The following EPHA8 variants were observed in gnomAD, a reference collection of about 807,000 sequenced individuals.
The protein encoded by EPHA8 is ephrin type-A receptor 8.
Under a neutral mutation model 103.6 loss-of-function variants are expected in EPHA8, and 58 were observed. The observed-to-expected ratio is 0.56, with a 90% CI of 0.45 to 0.70. EPHA8 has a LOEUF of 0.70. EPHA8 is among the 30% of genes least tolerant of loss of function. The probability of loss-of-function intolerance (pLI) is 0.00; values close to 1 mark genes in which losing one functional copy is unlikely to be tolerated. For synonymous variants in EPHA8, 559 were observed against 572.5 expected, an observed-to-expected ratio of 0.98 and a Z score of 0.34; for missense variants, 1,304 against 1,395.2, an observed-to-expected ratio of 0.93 and a Z score of 1.04.
chr1:22,575,070 C>T (rs1044550714), intron 2 of EPHA8, among the ~76,000 whole-genome samples: 1 of 152,144 alleles, frequency 6.6e-6, no homozygotes, highest in Admixed American at 6.5e-5. Context: ...CCTGCTGCAG[C>T]CTCCCGAGTA....
Position 22,596,102 on chromosome 1 carries a change from G to C in EPHA8, c.1698-4G>C. 1.2e-6 allele frequency: 2 copies of C among 1,613,780 alleles called. No individual in the cohort carries two copies. Among genetic ancestry groups the C allele is most frequent in the Non-Finnish European group, 1.7e-6 (2 of 1,179,930 alleles). On this transcript the variant is annotated splice_region_variant and splice_polypyrimidine_tract_variant and intron_variant, in intron 8 of 16. Coordinates refer to ENST00000166244, the MANE Select transcript of EPHA8 (RefSeq NM_020526.5). ...CTCAGGCAGGGCGGTGCCCTCCTCT[G>C]CAGGCACTGTGGCTACAGCAAGGCC...
At position 22,588,966 on chromosome 1, in the gene EPHA8, G is replaced by A. The variant is rs1414232134; in HGVS notation, c.1075G>A (p.Asp359Asn). 1.9e-6 allele frequency: 3 copies of A among 1,613,410 alleles called. No individual in the cohort carries two copies. The highest frequency in any genetic ancestry group is 2.5e-6 in the Non-Finnish European group (3 of 1,179,958). ...APPLDPGGRSDITYNAVCRRC... is the reference protein window; with the variant it reads ...APPLDPGGRSNITYNAVCRRC... The stretch of plus-strand genomic sequence containing the variant: ...TCCCCTGGACCCAGGTGGCCGCAGT[G>A]ACATCACCTACAATGCCGTGTGCCG... The change falls in exon 5 of 17, where the codon GAC (aspartate) becomes AAC (asparagine). Residue 359 changes from aspartate (D) to asparagine (N), a missense_variant. Coordinates refer to ENST00000166244, the MANE Select transcript of EPHA8 (RefSeq NM_020526.5).
chr1:22,592,365 A>G (rs1641394730), intron 5 of EPHA8, among the ~76,000 whole-genome samples: 1 of 152,132 alleles, frequency 6.6e-6, no homozygotes, highest in Admixed American at 6.5e-5. Context: ...TTCACTTTAT[A>G]GAAGGGGACC....
intron 5 of EPHA8, among the ~76,000 whole-genome samples, chr1:22,590,232 T>G (rs1244380805): frequency 1.3e-5 from 2 of 152,156 alleles, no homozygotes; most frequent in Non-Finnish European, 2.9e-5. Context: ...CACCTGTCTC[T>G]AGGCACCTGA....
At chr1:22,565,374 C>CG (rs1271509761) in intron 1 of EPHA8, among the ~76,000 whole-genome samples, 2 of 151,936 alleles carry the variant, frequency 1.3e-5, no homozygotes, top group Non-Finnish European at 2.9e-5. Context: ...CACAGGTTCC[C>CG]GGGGCACCAG....
At position 22,588,880 on chromosome 1, in the gene EPHA8, C is replaced by T. The variant is rs1268297144; in HGVS notation, c.989C>T (p.Ser330Leu). ...PPSSACTRPP[S>L]APVNLISSVN... ...CATCCTCTGCCCTCAGGGCCACCCT[C>T]GGCACCAGTGAACCTGATCTCCAGT... is the stretch of plus-strand genomic sequence containing the variant. The change falls in exon 5 of 17, where the codon TCG becomes TTG. Residue 330 changes from serine to leucine, a missense_variant. Physicochemically the swap from Ser to Leu is moderately radical, Grantham distance 145. Transcript: ENST00000166244. 3.8e-6 allele frequency: 6 copies of T among 1,584,810 alleles called. No individual in the cohort carries two copies. The highest frequency in any genetic ancestry group is 5.1e-6 in the Non-Finnish European group (6 of 1,166,964).
chr1:22,578,060 T>C (rs1351940041), intron 3 of EPHA8, among the ~76,000 whole-genome samples: 1 of 33,912 alleles, frequency 2.9e-5, no homozygotes, highest in Non-Finnish European at 6.4e-5. Context: ...TGTGTGCATG[T>C]GTGCATGAGT....
In EPHA8 at chr1:22,601,745, ACAGCCAGCAGGGCC is replaced by A; in HGVS notation, c.*8_*21del. On this transcript the variant is annotated 3_prime_UTR_variant, in exon 17 of 17. Transcript: ENST00000166244. ...GGGGCCCCGCCGGCACCTCTGATGT[ACAGCCAGCAGGGCC>A]CAGGCAGCCACCAAGCCCACCCCAG... is the stretch of plus-strand genomic sequence containing the variant. 1.3e-6 allele frequency: 2 copies of A among 1,555,034 alleles called. No homozygotes were observed. Among genetic ancestry groups the A allele is most frequent in the Non-Finnish European group, 8.7e-7 (1 of 1,149,718 alleles).
chr1:22,600,908 C>T lies in EPHA8; in HGVS notation c.2549C>T (p.Ser850Phe), dbSNP rs1570040780. Residue 850 changes from serine to phenylalanine, a missense_variant, in exon 15 of 17, where the codon TCT (serine) becomes TTT (phenylalanine). Ser to Phe is a radical substitution (Grantham distance 155). Coordinates refer to ENST00000166244, the MANE Select transcript of EPHA8 (RefSeq NM_020526.5). ...GCTGATCCCCTGCAGGTCATCAGCT[C>T]TGTGGAGGAGGGGTACCGCCTGCCC... The part of the protein sequence containing the change: ...WNMTNRDVIS[S>F]VEEGYRLPAP... 5 of 1,607,882 alleles carry T rather than the reference C, an allele frequency of 3.1e-6. No individual in the cohort carries two copies. The highest frequency in any genetic ancestry group is 3.4e-6 in the Non-Finnish European group (4 of 1,177,008).
At position 22,569,811 on chromosome 1, in the gene EPHA8, C is replaced by G. The variant is rs1005476601; in HGVS notation, c.159+458C>G. Among the ~76,000 whole-genome samples the G allele has an allele frequency of 6.6e-6, 1 of 152,168 alleles. No homozygotes were observed. Among genetic ancestry groups the G allele is most frequent in the Non-Finnish European group, 1.5e-5 (1 of 68,042 alleles). ...CAGACTCTGGACTCAGCCTTCAGGT[C>G]GCTGTGGGTCATGTGCTCACAGGCC... On this transcript the variant is annotated intron_variant, in intron 2 of 16. Coordinates refer to ENST00000166244, the MANE Select transcript of EPHA8 (RefSeq NM_020526.5). The surrounding 1 kb of genome is among the most constrained non-coding windows in gnomAD (Gnocchi z 4.5).
At chr1:22,564,889 G>A (rs1359891420) in intron 1 of EPHA8, among the ~76,000 whole-genome samples, 1 of 152,100 alleles carries the variant, frequency 6.6e-6, no homozygotes, top group Non-Finnish European at 1.5e-5. Flanking sequence ...CTCCGGAGCT[G>A]GTGCTGCTCT....
chr1:22,582,019 T>G (rs1282334390), intron 3 of EPHA8, among the ~76,000 whole-genome samples: 2 of 152,164 alleles, frequency 1.3e-5, no homozygotes, highest in Non-Finnish European at 2.9e-5. Flanking sequence ...GGAGAAGCCC[T>G]TGACCTCTTT....
intron 2 of EPHA8, among the ~76,000 whole-genome samples, chr1:22,570,367 T>C (rs1030684100): frequency 1.0e-5 from 1 of 99,294 alleles, no homozygotes; most frequent in Non-Finnish European, 1.9e-5. Flanking sequence ...TGCACACACG[T>C]GTGCGCGTAC....
At chr1:22,599,108 C>T in intron 13 of EPHA8, 61 bp downstream of exon 13, 2 of 1,522,814 alleles carry the variant, frequency 1.3e-6, no homozygotes. Context: ...CCGGTGGCAC[C>T]CAGGGCCCAA....
In EPHA8 at chr1:22,576,632, T is replaced by G. The variant is rs1640710151; in HGVS notation, c.575T>G (p.Leu192Arg). 4 of 1,613,810 alleles carry G rather than the reference T, an allele frequency of 2.5e-6. No homozygotes were observed. The highest frequency in any genetic ancestry group is 3.4e-6 in the Non-Finnish European group (4 of 1,180,018). ...YLAFQDIGAC[L>R]AILSLRIYYK... ...GCCTTCCAGGACATAGGTGCCTGCC[T>G]GGCCATCCTCTCTCTCCGCATCTAC... Residue 192 changes from leucine (L) to arginine (R), a missense_variant, in exon 3 of 17, where the codon CTG (leucine) becomes CGG (arginine). Coordinates refer to ENST00000166244, the MANE Select transcript of EPHA8 (RefSeq NM_020526.5). The surrounding 1 kb of genome is among the most constrained non-coding windows in gnomAD (Gnocchi z 4.8).
At position 22,586,640 on chromosome 1, in the gene EPHA8, G is replaced by A. The variant is rs1398059180; in HGVS notation, c.979+5G>A. 3 of 1,613,430 alleles carry A rather than the reference G, an allele frequency of 1.9e-6. No individual in the cohort carries two copies. The highest frequency in any genetic ancestry group is 2.5e-6 in the Non-Finnish European group (3 of 1,179,632). On this transcript the variant is annotated splice_donor_5th_base_variant and intron_variant, in intron 4 of 16. Transcript: ENST00000166244. ...CGCCGTCCTCAGCCTGCACCCGTGA[G>A]TACCACTCCGAGATGCCAGTACCCT...
At position 22,595,210 on chromosome 1, in the gene EPHA8, A is replaced by G. The variant is rs753753219; in HGVS notation, c.1604-20A>G. ...CCAGGGCTGAGAGCCTGGTCCCCCA[A>G]CCCTGGCTTTCCCCTGCAGGGCCCC... is the stretch of plus-strand genomic sequence containing the variant. On this transcript the variant is annotated intron_variant, in intron 7 of 16. Transcript: ENST00000166244. 1.3e-6 allele frequency: 2 copies of G among 1,595,774 alleles called. No homozygotes were observed. The highest frequency in any genetic ancestry group is 2.7e-5 in the African/African-American group (2 of 74,518).
rs1460912852 is a variant in EPHA8, at chr1:22,600,159, AGGG to A, written c.2389-501_2389-499del. ...GGAAGGAGGAGGGAGGGAGGGAAGG[AGGG>A]AGGCAGGAAGGAAGGAAAGAAGGAG... On this transcript the variant is annotated intron_variant, in intron 13 of 16. Coordinates refer to ENST00000166244, the MANE Select transcript of EPHA8 (RefSeq NM_020526.5). 1.2e-3 allele frequency among the ~76,000 whole-genome samples: 128 copies of A among 102,948 alleles called. 2 individuals are homozygous for A. Among genetic ancestry groups the A allele is most frequent in the African/African-American group, 4.7e-3 (126 of 26,612 alleles). The allele number at this position is 102,948 out of a possible 152,430, so 67.5% of individuals were successfully genotyped here.
chr1:22,566,168 C>T (rs1454246994), intron 1 of EPHA8, among the ~76,000 whole-genome samples: 4 of 152,252 alleles, frequency 2.6e-5, no homozygotes, highest in African/African-American at 9.6e-5. Flanking sequence ...CCTGCACCTG[C>T]AGAGACGCCC....
Sources: allele counts gnomAD v4.1 joint callset (sites outside exome capture counted in the v4.1 genomes callset), GRCh38; gene constraint gnomAD v4.1.1; non-coding constraint Gnocchi (gnomAD v3.1); transcripts MANE v1.5; gene names NCBI Gene and HGNC (gene_info 2026-07-23, HGNC 2026-07-21).